The following PDE1C variants were observed in gnomAD, a reference collection of about 807,000 sequenced individuals.
PDE1C encodes the protein phosphodiesterase 1C.
In PDE1C, 62 loss-of-function variants were observed where a neutral mutation model predicts 93.1. That is an observed-to-expected ratio of 0.67 (90% CI 0.54 to 0.82). The LOEUF is 0.82. Among genes scored for constraint, PDE1C ranks in the 40% least tolerant of loss-of-function variants. The probability of loss-of-function intolerance (pLI) is 0.00; values close to 1 mark genes in which losing one functional copy is unlikely to be tolerated. For synonymous variants in PDE1C, 325 were observed against 310.1 expected (o/e 1.05, Z -0.50); for missense variants, 742 against 884.6 (o/e 0.84, Z 2.04).
intron 3 of PDE1C, among the ~76,000 whole-genome samples, chr7:32,163,368 T>C (rs554297440): frequency 6.6e-6 from 1 of 152,150 alleles, no homozygotes; most frequent in Admixed American, 6.5e-5. Flanking sequence ...GAAAAATGAC[T>C]GCCAAAAGCC....
chr7:32,419,869 TC>T (rs1346443142), intron 1 of PDE1C, among the ~76,000 whole-genome samples: 3 of 151,308 alleles, frequency 2.0e-5, no homozygotes, highest in African/African-American at 7.3e-5. Flanking sequence ...ACTCATCCTG[TC>T]CGCTGTGTGA....
the PDE1C span, among the ~76,000 whole-genome samples, chr7:31,736,332 C>T: frequency 6.6e-5 from 10 of 152,268 alleles, no homozygotes; most frequent in East Asian, 1.9e-4. Flanking sequence ...AAGGGCAGCC[C>T]GAATAATCCT....
chr7:31,963,637 CA>C (rs913034465), intron 2 of PDE1C, among the ~76,000 whole-genome samples: 1 of 152,034 alleles, frequency 6.6e-6, no homozygotes, highest in East Asian at 1.9e-4. Context: ...AGAAGAAAAC[CA>C]AAAAAGATTT....
intron 2 of PDE1C, among the ~76,000 whole-genome samples, chr7:32,190,981 T>G (rs999403680): frequency 6.6e-6 from 1 of 152,090 alleles, no homozygotes; most frequent in Non-Finnish European, 1.5e-5. Flanking sequence ...TGCAAAGGCA[T>G]GGAGAAGTGA....
chr7:31,796,748 G>A (rs1054673826), intron 16 of PDE1C, among the ~76,000 whole-genome samples: 21 of 151,650 alleles, frequency 1.4e-4, no homozygotes, highest in Admixed American at 1.1e-3. Flanking sequence ...AACCAATTAC[G>A]TTGGGTTTAA....
At chr7:31,911,937 G>A (rs1801294856) in intron 2 of PDE1C, among the ~76,000 whole-genome samples, 1 of 152,130 alleles carries the variant, frequency 6.6e-6, no homozygotes, top group South Asian at 2.1e-4. Context: ...TTGCCCATTG[G>A]AGAATCACCA....
At chr7:32,262,146 A>G (rs1401498333) in intron 1 of PDE1C, among the ~76,000 whole-genome samples, 1 of 151,810 alleles carries the variant, frequency 6.6e-6, no homozygotes, top group Non-Finnish European at 1.5e-5. Context: ...TTTAATTTCT[A>G]AATTGAACAA....
At position 31,831,909 on chromosome 7, in the gene PDE1C, A is replaced by G. The variant is rs185999705; in HGVS notation, c.1204-3536T>C. 8.5e-5 allele frequency among the ~76,000 whole-genome samples: 13 copies of G among 152,308 alleles called. No individual in the cohort carries two copies. In the East Asian group the frequency reaches 2.5e-3, roughly 29 times the overall value. ...AACAAACAACAGATGGGGAATACTC[A>G]TCAGATAAATGGTGCCACTACTAAC... is the stretch of plus-strand genomic sequence containing the variant. On this transcript the variant is annotated intron_variant, in intron 11 of 17. Coordinates refer to ENST00000396191, the MANE Select transcript of PDE1C (RefSeq NM_001191057.4).
chr7:31,641,531 A>G, the PDE1C span, among the ~76,000 whole-genome samples: 1 of 152,206 alleles, frequency 6.6e-6, no homozygotes, highest in Non-Finnish European at 1.5e-5. Flanking sequence ...GTAGCCAACT[A>G]TTTCCCCCAC....
intron 1 of PDE1C, among the ~76,000 whole-genome samples, chr7:32,395,905 C>G (rs1053721119): frequency 6.6e-6 from 1 of 152,092 alleles, no homozygotes; most frequent in Non-Finnish European, 1.5e-5. Flanking sequence ...TTTCTTCTTG[C>G]CTTCAAATTT....
intron 1 of PDE1C, among the ~76,000 whole-genome samples, chr7:32,346,431 G>A (rs543150352): frequency 9.8e-5 from 15 of 152,322 alleles, no homozygotes; most frequent in Non-Finnish European, 1.8e-4. Context: ...GCTACAGCAC[G>A]TTGCTCCAGT....
intron 2 of PDE1C, among the ~76,000 whole-genome samples, chr7:31,949,176 C>A (rs1419355591): frequency 6.6e-6 from 1 of 152,006 alleles, no homozygotes; most frequent in African/African-American, 2.4e-5. Context: ...ACATGACTAC[C>A]AGCTGGGCAC....
chr7:32,106,246 T>TA (rs1798304907), intron 3 of PDE1C, among the ~76,000 whole-genome samples: 2 of 150,600 alleles, frequency 1.3e-5, no homozygotes, highest in African/African-American at 5.0e-5. Flanking sequence ...TTCATGACCC[T>TA]GGCCTCAAGC....
chr7:31,813,279 C>T (rs1046444585), intron 15 of PDE1C, among the ~76,000 whole-genome samples: 2 of 152,114 alleles, frequency 1.3e-5, no homozygotes, highest in African/African-American at 4.8e-5. Flanking sequence ...CAGCCACCCA[C>T]ATCCCAGACT....
chr7:32,356,851 C>G (rs1309196853), intron 1 of PDE1C, among the ~76,000 whole-genome samples: 1 of 152,146 alleles, frequency 6.6e-6, no homozygotes, highest in Non-Finnish European at 1.5e-5. Flanking sequence ...AGGCTGATTT[C>G]CATAGCTAAG....
the PDE1C span, chr7:31,643,154 A>C: frequency 5.6e-6 from 9 of 1,613,854 alleles, no homozygotes; most frequent in Non-Finnish European, 7.6e-6. Context: ...CACCACAATG[A>C]GTCTCAAAGG....
intron 5 of PDE1C, among the ~76,000 whole-genome samples, chr7:31,874,143 C>T (rs1171399489): frequency 3.3e-5 from 5 of 152,146 alleles, no homozygotes; most frequent in African/African-American, 9.7e-5. Flanking sequence ...ATCTGTTAGT[C>T]ACTTTACTGA....
chr7:31,849,730 C>G (rs764770), intron 8 of PDE1C, among the ~76,000 whole-genome samples: 1 of 152,002 alleles, frequency 6.6e-6, no homozygotes, highest in African/African-American at 2.4e-5. Flanking sequence ...GACTTACCAC[C>G]TTTCCCCATA....
chr7:31,890,878 G>C (rs1367384530), intron 2 of PDE1C, among the ~76,000 whole-genome samples: 1 of 152,154 alleles, frequency 6.6e-6, no homozygotes, highest in Non-Finnish European at 1.5e-5. Context: ...CTGCCGCTTT[G>C]AATGTGTGTG....
Sources: gnomAD v4.1 joint callset for allele counts (sites outside exome capture counted in the v4.1 genomes callset) on GRCh38, gnomAD v4.1.1 for gene constraint, MANE v1.5 for transcripts, NCBI Gene and HGNC (gene_info 2026-07-23, HGNC 2026-07-21) for gene names.